Variants in TBCK observed in about 807,000 individuals in gnomAD.
The protein encoded by TBCK is TBC1 domain containing kinase.
In TBCK, 99 loss-of-function variants were observed where a neutral mutation model predicts 113.4. The observed-to-expected ratio is 0.87, with a 90% CI of 0.74 to 1.03. The LOEUF is 1.03. Among genes scored for constraint, TBCK ranks in the 50% least tolerant of loss-of-function variants. The pLI is 0.00. For missense variants in TBCK, 1,045 were observed against 1,061.3 expected (o/e 0.98, Z 0.21); for synonymous variants, 369 against 370.8 (o/e 1.00, Z 0.05).
intron 18 of TBCK, among the ~76,000 whole-genome samples, chr4:106,231,353 G>C (rs1299802095): frequency 6.6e-6 from 1 of 151,732 alleles, no homozygotes; most frequent in Non-Finnish European, 1.5e-5. Context: ...TGAAGAAGGA[G>C]AATGAGAAAA....
chr4:106,198,365 T>G (rs1754497178), intron 20 of TBCK, among the ~76,000 whole-genome samples: 1 of 152,090 alleles, frequency 6.6e-6, no homozygotes, highest in Non-Finnish European at 1.5e-5. Context: ...AATATCAGTA[T>G]AAGAAACTCT....
In TBCK at chr4:106,121,457, C is replaced by T. The variant is rs1744363631; in HGVS notation, c.2236-5079G>A. Among the ~76,000 whole-genome samples the T allele has an allele frequency of 4.1e-5, 6 of 147,586 alleles. No homozygotes were observed. In the South Asian group the frequency reaches 1.3e-3, roughly 33 times the overall value. Reference sequence around the variant, plus strand: ...TTAACACCCCACTGTCAACATTAGACAGATCAACGAGACAGAAAGTCAACA... The same window carrying T: ...TTAACACCCCACTGTCAACATTAGATAGATCAACGAGACAGAAAGTCAACA... On this transcript the variant is annotated intron_variant, in intron 23 of 25. Transcript: ENST00000394708.
At chr4:106,297,852 A>C (rs1386746254) in intron 2 of TBCK, 1 of 152,120 alleles carries the variant, frequency 6.6e-6, no homozygotes, top group Non-Finnish European at 1.5e-5. Flanking sequence ...TCTATGCCAG[A>C]TTTTTTCTGT....
chr4:106,312,658 G>A (rs917543915), intron 1 of TBCK, among the ~76,000 whole-genome samples: 9 of 152,000 alleles, frequency 5.9e-5, no homozygotes, highest in African/African-American at 2.2e-4. Context: ...TATGTTCATA[G>A]GAACTGTACT....
chr4:106,131,767 G>A (rs959759471), intron 23 of TBCK, among the ~76,000 whole-genome samples: 1 of 152,200 alleles, frequency 6.6e-6, no homozygotes, highest in Non-Finnish European at 1.5e-5. Context: ...AAAAAGGTGG[G>A]AAAGTTTGGA....
intron 19 of TBCK, among the ~76,000 whole-genome samples, chr4:106,213,181 G>T (rs545479356): frequency 2.0e-5 from 3 of 152,256 alleles, no homozygotes; most frequent in South Asian, 4.1e-4. Flanking sequence ...AGAAAGTGTA[G>T]CAGATCCTTA....
At chr4:106,073,102 A>G (rs1385717096) in intron 25 of TBCK, among the ~76,000 whole-genome samples, 1 of 152,134 alleles carries the variant, frequency 6.6e-6, no homozygotes, top group Admixed American at 6.5e-5. Flanking sequence ...ACTTCTGTCA[A>G]CTTGTCAAAG....
intron 25 of TBCK, among the ~76,000 whole-genome samples, chr4:106,060,594 G>A (rs958706042): frequency 2.6e-5 from 4 of 151,766 alleles, no homozygotes; most frequent in Admixed American, 6.6e-5. Context: ...GAGCTCTGAC[G>A]GAGAACATAC....
At chr4:106,209,692 T>G (rs902610216) in intron 20 of TBCK, among the ~76,000 whole-genome samples, 2 of 152,156 alleles carry the variant, frequency 1.3e-5, no homozygotes, top group Non-Finnish European at 2.9e-5. Flanking sequence ...CCAAATTCTA[T>G]ACAGGGATGG....
chr4:106,290,466 A>G (rs561175083), intron 3 of TBCK, among the ~76,000 whole-genome samples: 19 of 152,192 alleles, frequency 1.2e-4, no homozygotes, highest in East Asian at 5.8e-4. Context: ...ATGAGCCACC[A>G]CACCCGGCCG....
rs1009104396 is a variant in TBCK, at chr4:106,283,132, T to TA, written c.266+11961dup. ...GAGAAATAAAATTGTAGCACATGAT[T>TA]AAAAAAAAAGATAATAGGGAAATAT... On this transcript the variant is annotated intron_variant, in intron 3 of 25. Coordinates refer to ENST00000394708, the MANE Select transcript of TBCK (RefSeq NM_001163435.3). 5.3e-5 allele frequency among the ~76,000 whole-genome samples: 8 copies of TA among 151,132 alleles called. No homozygotes were observed. In the East Asian group the frequency reaches 7.7e-4, roughly 15 times the overall value.
intron 25 of TBCK, among the ~76,000 whole-genome samples, chr4:106,055,475 T>A (rs1735277070): frequency 6.6e-6 from 1 of 151,522 alleles, no homozygotes; most frequent in South Asian, 2.1e-4. Flanking sequence ...TAAATATTTT[T>A]CCTATGGTGC....
At chr4:106,129,297 C>T (rs765634462) in intron 23 of TBCK, among the ~76,000 whole-genome samples, 12 of 152,154 alleles carry the variant, frequency 7.9e-5, no homozygotes, top group Non-Finnish European at 1.5e-4. Flanking sequence ...CTCCCTCTCT[C>T]CGCCCCCTGG....
intron 23 of TBCK, among the ~76,000 whole-genome samples, chr4:106,144,843 G>A (rs895463727): frequency 4.0e-5 from 6 of 151,760 alleles, no homozygotes; most frequent in Middle Eastern, 3.2e-3. Context: ...GACCATCATG[G>A]AGAAACCCCG....
intron 20 of TBCK, among the ~76,000 whole-genome samples, chr4:106,204,391 C>T (rs977764643): frequency 3.3e-5 from 5 of 152,170 alleles, no homozygotes; most frequent in African/African-American, 9.7e-5. Flanking sequence ...TAAGTCCCTT[C>T]GGGGTCCACC....
chr4:106,105,178 G>C (rs1157087449), intron 24 of TBCK, among the ~76,000 whole-genome samples: 1 of 152,208 alleles, frequency 6.6e-6, no homozygotes, highest in African/African-American at 2.4e-5. Flanking sequence ...GAACCAAGGA[G>C]AGGAGGCCAG....
intron 25 of TBCK, among the ~76,000 whole-genome samples, chr4:106,071,171 T>A (rs1737383022): frequency 6.6e-6 from 1 of 152,228 alleles, no homozygotes; most frequent in South Asian, 2.1e-4. Context: ...GCTTCTCTAG[T>A]TCTTCTAATT....
chr4:106,049,568 T>G (rs889048354), intron 25 of TBCK, among the ~76,000 whole-genome samples: 2 of 152,016 alleles, frequency 1.3e-5, no homozygotes, highest in African/African-American at 4.8e-5. Flanking sequence ...ATAAGTCACA[T>G]CATACATGGA....
intron 23 of TBCK, among the ~76,000 whole-genome samples, chr4:106,119,075 T>C (rs1266724851): frequency 6.6e-6 from 1 of 152,224 alleles, no homozygotes; most frequent in Non-Finnish European, 1.5e-5. Flanking sequence ...TTCATACTTT[T>C]ATAAGCAAAT....
Sources: gnomAD v4.1 joint callset for allele counts (sites outside exome capture counted in the v4.1 genomes callset) on GRCh38, gnomAD v4.1.1 for gene constraint, MANE v1.5 for transcripts, NCBI Gene and HGNC (gene_info 2026-07-23, HGNC 2026-07-21) for gene names.